The following UBR3 variants were observed in gnomAD, a reference collection of about 807,000 sequenced individuals.
The protein encoded by UBR3 is ubiquitin protein ligase E3 component n-recognin 3.
Under a neutral mutation model 243.2 loss-of-function variants are expected in UBR3, and 85 were observed. The observed-to-expected ratio is 0.35, with a 90% CI of 0.29 to 0.42. UBR3 has a LOEUF of 0.42. UBR3 is among the 10% of genes least tolerant of loss of function. The pLI, the probability that UBR3 is intolerant of heterozygous loss-of-function variation, is 1.00. For missense variants in UBR3, 1,686 were observed against 2,300.8 expected, an observed-to-expected ratio of 0.73 and a Z score of 5.47; for synonymous variants, 748 against 799.8, an observed-to-expected ratio of 0.94 and a Z score of 1.09.
At chr2:169,954,056 T>C (rs1485612389) in intron 23 of UBR3, among the ~76,000 whole-genome samples, 1 of 152,222 alleles carries the variant, frequency 6.6e-6, no homozygotes, top group Non-Finnish European at 1.5e-5. Flanking sequence ...CTTACATAAA[T>C]GGTTCAGGAA....
At chr2:169,857,065 T>TTTTTTTTTG (rs1559026963) in intron 1 of UBR3, among the ~76,000 whole-genome samples, 1 of 44,140 alleles carries the variant, frequency 2.3e-5, no homozygotes, top group East Asian at 5.8e-4. Context: ...TTTTATTATG[T>TTTTTTTTTG]TTTTTTTTTT....
At chr2:169,990,875 A>T (rs112528459) in intron 25 of UBR3, among the ~76,000 whole-genome samples, 1 of 140,108 alleles carries the variant, frequency 7.1e-6, no homozygotes, top group Non-Finnish European at 1.6e-5. Flanking sequence ...ATTTTTTTTT[A>T]AAGTTAATAA....
chr2:169,997,913 T>C (rs1176256225), intron 26 of UBR3, among the ~76,000 whole-genome samples: 6 of 152,186 alleles, frequency 3.9e-5, no homozygotes, highest in Non-Finnish European at 8.8e-5. Flanking sequence ...ACTCCAGTCA[T>C]GGATTCTACC....
intron 31 of UBR3, among the ~76,000 whole-genome samples, chr2:170,030,810 A>G (rs1436048884): frequency 6.6e-6 from 1 of 151,944 alleles, no homozygotes; most frequent in Non-Finnish European, 1.5e-5. Flanking sequence ...CTTATATTTT[A>G]TTGTATAAAA....
intron 1 of UBR3, among the ~76,000 whole-genome samples, chr2:169,835,816 A>C (rs1484776100): frequency 6.6e-6 from 1 of 152,070 alleles, no homozygotes; most frequent in East Asian, 1.9e-4. Flanking sequence ...AGAAAAGTAC[A>C]AAAGTAGTAT....
chr2:169,871,210 G>A (rs2083426574), intron 1 of UBR3, among the ~76,000 whole-genome samples: 1 of 151,818 alleles, frequency 6.6e-6, no homozygotes. Flanking sequence ...CCAGTACTTT[G>A]GGAGGTCAAG....
chr2:170,046,996 A>AT (rs1215717633), intron 32 of UBR3, among the ~76,000 whole-genome samples: 3 of 151,744 alleles, frequency 2.0e-5, no homozygotes, highest in Admixed American at 6.6e-5. Flanking sequence ...CCAAAGCTTT[A>AT]TTTTTTTTAT....
chr2:169,927,424 A>C lies in UBR3; in HGVS notation c.2424+19A>C. ...GGACCTCATATCCTTTTAAAATTTT[A>C]CTTTCTGTTAGTTGCAGGATCTAAA... On this transcript the variant is annotated intron_variant, in intron 17 of 38. Transcript: ENST00000272793. 6.6e-7 allele frequency: 1 copy of C among 1,509,074 alleles called. No homozygotes were observed. The highest frequency in any genetic ancestry group is 8.9e-7 in the Non-Finnish European group (1 of 1,122,928). The allele number at this position is 1,509,074 out of a possible 1,614,324, so 93.5% of individuals were successfully genotyped here.
At chr2:169,911,264 A>C (rs1345063386) in intron 10 of UBR3, among the ~76,000 whole-genome samples, 1 of 152,120 alleles carries the variant, frequency 6.6e-6, no homozygotes, top group Non-Finnish European at 1.5e-5. Context: ...TAAGCTGCAA[A>C]ATCTTCATCT....
chr2:169,898,933 C>T (rs2084701966), intron 8 of UBR3, among the ~76,000 whole-genome samples: 1 of 151,926 alleles, frequency 6.6e-6, no homozygotes, highest in Admixed American at 6.6e-5. Flanking sequence ...GATATCCTAA[C>T]CTTGTGATCC....
chr2:169,979,492 G>A (rs1334719398), intron 24 of UBR3, among the ~76,000 whole-genome samples: 1 of 152,160 alleles, frequency 6.6e-6, no homozygotes, highest in Non-Finnish European at 1.5e-5. Context: ...AGAATTGGAA[G>A]CAGCTAAGAT....
intron 35 of UBR3, among the ~76,000 whole-genome samples, chr2:170,070,493 G>A (rs137976829): frequency 2.4e-4 from 37 of 152,094 alleles, no homozygotes; most frequent in Non-Finnish European, 4.7e-4. Flanking sequence ...AAGGCAGGTA[G>A]GCAAGAAAAA....
chr2:169,945,122 A>G (rs2086737261), intron 20 of UBR3, among the ~76,000 whole-genome samples: 2 of 151,658 alleles, frequency 1.3e-5, no homozygotes, highest in South Asian at 2.1e-4. Flanking sequence ...CTATAATTTC[A>G]GTTTTATTTT....
intron 24 of UBR3, among the ~76,000 whole-genome samples, chr2:169,973,513 C>G (rs2088275164): frequency 6.6e-6 from 1 of 151,964 alleles, no homozygotes; most frequent in African/African-American, 2.4e-5. Context: ...TGACTTCAAA[C>G]TATACTAGAA....
chr2:169,843,414 A>G (rs1228224465), intron 1 of UBR3, among the ~76,000 whole-genome samples: 3 of 152,190 alleles, frequency 2.0e-5, no homozygotes, highest in Non-Finnish European at 1.5e-5. Context: ...GGCCTGAGCT[A>G]GTTCTGTCCA....
chr2:169,980,665 G>A (rs934645356), intron 24 of UBR3, among the ~76,000 whole-genome samples: 8 of 151,328 alleles, frequency 5.3e-5, no homozygotes, highest in Non-Finnish European at 8.8e-5. Context: ...TGTGCACAAA[G>A]TGCAGGTTAG....
chr2:169,905,068 TA>T (rs1303962432), intron 8 of UBR3, 45 bp from the exon 9 acceptor site: 1 of 1,405,002 alleles, frequency 7.1e-7, no homozygotes, highest in Non-Finnish European at 9.3e-7. Flanking sequence ...TTAAGCTTTT[TA>T]AAAAAATCTT....
intron 24 of UBR3, among the ~76,000 whole-genome samples, chr2:169,960,565 AATTAT>A (rs2087525381): frequency 6.6e-6 from 1 of 152,096 alleles, no homozygotes; most frequent in Admixed American, 6.6e-5. Flanking sequence ...AAAAATTGAT[AATTAT>A]ATTTTTGTTT....
In UBR3 at chr2:169,875,897, T is replaced by C; in HGVS notation, c.792T>C (p.Ser264=). ...CTAAAATGGGAGGAGCAATGCGGTC[T>C]GTTCTTACTCAGGTTTTGACAAACC... ...DLTKMGGAMR[S]VLTQVLTNQQ... Residue 264 remains serine, a synonymous_variant, in exon 3 of 39, where the codon TCT becomes TCC. Coordinates refer to ENST00000272793, the MANE Select transcript of UBR3 (RefSeq NM_172070.4). The C allele has an allele frequency of 6.5e-7, 1 of 1,548,918 alleles. No homozygotes were observed. Among genetic ancestry groups the C allele is most frequent in the Non-Finnish European group, 8.7e-7 (1 of 1,145,748 alleles).
Sources: allele counts gnomAD v4.1 joint callset (sites outside exome capture counted in the v4.1 genomes callset), GRCh38; gene constraint gnomAD v4.1.1; transcripts MANE v1.5; gene names NCBI Gene and HGNC (gene_info 2026-07-23, HGNC 2026-07-21).